The following IL17D variants were observed in gnomAD, a reference collection of about 807,000 sequenced individuals.
IL17D encodes the protein interleukin 17D, also known as interleukin-17D.
IL17D carries 10 observed loss-of-function variants against 5.7 expected under a neutral mutation model. The ratio of observed to expected loss-of-function variants is 1.75; its 90% CI spans 1.08 to 2.97. IL17D has a LOEUF of 2.97. Ranked by LOEUF, IL17D falls within the 30% of genes most tolerant of loss-of-function variation. The pLI is 0.00. For synonymous variants in IL17D, 172 were observed against 141.7 expected (o/e 1.21, Z -1.52); for missense variants, 354 against 292.7 (o/e 1.21, Z -1.53).
chr13:20,720,318 G>C (rs1228270730), intron 1 of IL17D, among the ~76,000 whole-genome samples: 3 of 151,752 alleles, frequency 2.0e-5, no homozygotes, highest in African/African-American at 7.3e-5. Context: ...TGCGGCTCCA[G>C]CCCATCTTCC....
rs756167515 is a variant in IL17D at position 20,721,696 on chromosome 13, G to A, written c.351G>A (p.Arg117=). 2 of 1,611,148 alleles carry A rather than the reference G, an allele frequency of 1.2e-6. No homozygotes were observed. Among genetic ancestry groups the A allele is most frequent in the Admixed American group, 3.3e-5 (2 of 59,924 alleles). ...TGCCTGAAGCCTACTGCCTGTGCCG[G>A]GGCTGCCTGACCGGGCTGTTCGGCG... The part of the protein sequence containing the change: ...RYLPEAYCLC[R]GCLTGLFGEE... The change falls in exon 2 of 2, where the codon CGG becomes CGA. Residue 117 remains arginine (R), a synonymous_variant. Coordinates refer to ENST00000682841, the MANE Select transcript of IL17D (RefSeq NM_001385224.1).
intron 1 of IL17D, among the ~76,000 whole-genome samples, chr13:20,721,138 G>T (rs1287320199): frequency 6.6e-6 from 1 of 152,084 alleles, no homozygotes; most frequent in African/African-American, 2.4e-5. Context: ...AGCCCTGCAG[G>T]CCTCTGGCTC....
chr13:20,719,732 TA>T, intron 1 of IL17D, among the ~76,000 whole-genome samples: 1 of 152,300 alleles, frequency 6.6e-6, no homozygotes, highest in East Asian at 1.9e-4. Flanking sequence ...AGGCCTTCTT[TA>T]GGGGGTCCAC....
chr13:20,706,396 G>A (rs1566517371), intron 1 of IL17D, among the ~76,000 whole-genome samples: 2 of 152,256 alleles, frequency 1.3e-5, no homozygotes, highest in African/African-American at 4.8e-5. Context: ...GACAGAAGCT[G>A]CTGGCCCTGC....
In IL17D at chr13:20,704,016, C is replaced by T. The variant is rs980575469; in HGVS notation, c.15C>T (p.Gly5=). 1 of 1,026,186 alleles carries T rather than the reference C, an allele frequency of 9.7e-7. No individual in the cohort carries two copies. Among genetic ancestry groups the T allele is most frequent in the African/African-American group, 1.7e-5 (1 of 57,360 alleles). The allele number at this position is 1,026,186 out of a possible 1,614,324, so 63.6% of individuals were successfully genotyped here. A position where few individuals can be genotyped will look rare whatever the true frequency, so the allele number is the denominator to read the frequency against. Residue 5 remains glycine, a synonymous_variant, in exon 1 of 2, where the codon GGC becomes GGT. Transcript: ENST00000682841. ...CTCAGGTCTGGATGCTGGTAGCCGG[C>T]TTCCTGCTGGCGCTGCCGCCGAGCT... MLVA[G]FLLALPPSWA...
chr13:20,707,938 G>C (rs1048635567), intron 1 of IL17D, among the ~76,000 whole-genome samples: 2 of 152,060 alleles, frequency 1.3e-5, no homozygotes, highest in African/African-American at 4.8e-5. Context: ...TTTGAGACAG[G>C]GTTTTGCTCT....
chr13:20,720,150 G>A (rs1281910552), intron 1 of IL17D, among the ~76,000 whole-genome samples: 1 of 152,104 alleles, frequency 6.6e-6, no homozygotes, highest in African/African-American at 2.4e-5. Context: ...GATGCACCCA[G>A]TCTCCACCAT....
At chr13:20,703,489 G>C (rs951364964), upstream of IL17D, 25 of 931,260 alleles carry the variant, frequency 2.7e-5, no homozygotes, top group South Asian at 1.1e-3. Flanking sequence ...AAAGCGGGCC[G>C]CGGACCCTGC....
Position 20,704,049 on chromosome 13 carries a change from G to T in IL17D, c.48G>T (p.Ala16=). The change falls in exon 1 of 2, where the codon GCG becomes GCT. Residue 16 remains alanine (A), a synonymous_variant. Transcript: ENST00000682841. ...FLLALPPSWA[A]GAPRAGRRPA... is the part of the protein sequence containing the mutation. ...TGGCGCTGCCGCCGAGCTGGGCCGC[G>T]GGCGCCCCGAGGGCGGGCAGGCGCC... 2 of 1,059,652 alleles carry T rather than the reference G, an allele frequency of 1.9e-6. No homozygotes were observed. The highest frequency in any genetic ancestry group is 2.3e-6 in the Non-Finnish European group (2 of 882,502). The allele number at this position is 1,059,652 out of a possible 1,614,324, so 65.6% of individuals were successfully genotyped here.
At chr13:20,709,712 C>T (rs978015517) in intron 1 of IL17D, among the ~76,000 whole-genome samples, 4 of 152,032 alleles carry the variant, frequency 2.6e-5, no homozygotes, top group African/African-American at 9.7e-5. Context: ...TTAAAGTTTT[C>T]TGCCATGTGC....
intron 1 of IL17D, among the ~76,000 whole-genome samples, chr13:20,705,744 G>A (rs1223855975): frequency 6.6e-6 from 1 of 152,152 alleles, no homozygotes; most frequent in Admixed American, 6.5e-5. Context: ...TGAGATGGAG[G>A]AAGCCATACA....
At chr13:20,707,780 C>T (rs2058601966) in intron 1 of IL17D, among the ~76,000 whole-genome samples, 3 of 152,302 alleles carry the variant, frequency 2.0e-5, no homozygotes, top group Admixed American at 6.5e-5. Flanking sequence ...CTGTCTCAGC[C>T]TCTCATAGTG....
intron 1 of IL17D, among the ~76,000 whole-genome samples, chr13:20,719,765 G>T (rs1015171322): frequency 3.9e-5 from 6 of 152,126 alleles, no homozygotes; most frequent in African/African-American, 1.4e-4. Flanking sequence ...TCTGCCCTAG[G>T]ATCCAACCTC....
At chr13:20,702,640 C>G (rs1379170059), upstream of IL17D, 3 of 152,192 alleles carry the variant, frequency 2.0e-5, no homozygotes, top group Non-Finnish European at 2.9e-5. Flanking sequence ...GACTATCAGG[C>G]TCATTTCACG....
upstream of IL17D, chr13:20,701,595 G>C (rs2058548516): frequency 6.6e-6 from 1 of 152,202 alleles, no homozygotes; most frequent in African/African-American, 2.4e-5. Flanking sequence ...TTCAAATGAA[G>C]CTTGCGTGGC....
chr13:20,721,507 C>G (rs2058734112), intron 1 of IL17D, 129 bp from the exon 2 acceptor site: 1 of 703,528 alleles, frequency 1.4e-6, no homozygotes, highest in Non-Finnish European at 2.3e-6. Context: ...GGGGGCCTCG[C>G]ACGCACGCGC....
At chr13:20,717,368 T>C (rs1168520917) in intron 1 of IL17D, 2 of 152,236 alleles carry the variant, frequency 1.3e-5, no homozygotes, top group East Asian at 3.9e-4. Context: ...TGTCCGTGTT[T>C]GGTAAGAGAA....
chr13:20,721,704 T>C lies in IL17D; in HGVS notation c.359T>C (p.Leu120Pro). ...GCCTACTGCCTGTGCCGGGGCTGCC[T>C]GACCGGGCTGTTCGGCGAGGAGGAC... is the stretch of plus-strand genomic sequence containing the variant. Reference protein sequence around the residue: ...PEAYCLCRGCLTGLFGEEDVR... With the variant: ...PEAYCLCRGCPTGLFGEEDVR... Residue 120 changes from leucine to proline, a missense_variant, in exon 2 of 2, where the codon CTG becomes CCG. By Grantham distance (98) the Leu-to-Pro change is moderately conservative. Coordinates refer to ENST00000682841, the MANE Select transcript of IL17D (RefSeq NM_001385224.1). The C allele has an allele frequency of 1.2e-6, 2 of 1,611,354 alleles. No homozygotes were observed. The highest frequency in any genetic ancestry group is 1.7e-6 in the Non-Finnish European group (2 of 1,179,216).
chr13:20,720,643 G>A (rs915855939), intron 1 of IL17D, among the ~76,000 whole-genome samples: 1 of 152,176 alleles, frequency 6.6e-6, no homozygotes, highest in African/African-American at 2.4e-5. Flanking sequence ...TGATCCCTGC[G>A]CTGCCCCATC....
Sources: allele counts gnomAD v4.1 joint callset (sites outside exome capture counted in the v4.1 genomes callset), GRCh38; gene constraint gnomAD v4.1.1; transcripts MANE v1.5; gene names NCBI Gene and HGNC (gene_info 2026-07-23, HGNC 2026-07-21).